ICE1: variants seen among roughly 807,000 people sequenced by gnomAD.
ICE1 encodes little elongation complex subunit 1.
Under a neutral mutation model 192.7 loss-of-function variants are expected in ICE1, and 64 were observed. The ratio of observed to expected loss-of-function variants is 0.33; its 90% CI spans 0.27 to 0.41. The LOEUF (loss-of-function observed/expected upper bound fraction) is 0.41, where lower values mean the gene tolerates loss of function less well. ICE1 is among the 10% of genes least tolerant of loss of function. The pLI is 1.00. For synonymous variants in ICE1, 1,010 were observed against 984.5 expected (o/e 1.03, Z -0.49); for missense variants, 2,708 against 2,696.0 (o/e 1.00, Z -0.10).
intron 17 of ICE1, among the ~76,000 whole-genome samples, chr5:5,485,474 A>G (rs1739617267): frequency 6.6e-6 from 1 of 152,208 alleles, no homozygotes; most frequent in Non-Finnish European, 1.5e-5. Context: ...ATACACAGTT[A>G]ATGGAGGGCA....
In ICE1 at chr5:5,461,189, A is replaced by T; in HGVS notation, c.1855A>T (p.Met619Leu). 1 of 1,614,008 alleles carries T rather than the reference A, an allele frequency of 6.2e-7. No homozygotes were observed. Among genetic ancestry groups the T allele is most frequent in the Non-Finnish European group, 8.5e-7 (1 of 1,179,884 alleles). Residue 619 changes from methionine to leucine, a missense_variant, in exon 13 of 19, where the codon ATG (methionine) becomes TTG (leucine). By Grantham distance (15) the Met-to-Leu change is conservative. Transcript: ENST00000296564. ...ESEDDDSGDG[M>L]DVAGLDIETS... is the part of the protein sequence containing the mutation. ...AGAAGATGATGACTCAGGTGATGGAATGGATGTAGCAGGGCTTGACATTGA... is the reference window on the plus strand; with the variant it reads ...AGAAGATGATGACTCAGGTGATGGATTGGATGTAGCAGGGCTTGACATTGA...
chr5:5,447,406 A>G lies in ICE1; in HGVS notation c.425-21A>G, dbSNP rs576434215. 4.3e-5 allele frequency: 65 copies of G among 1,496,462 alleles called. No individual in the cohort carries two copies. In the South Asian group the frequency reaches 5.0e-4, roughly 12 times the overall value. The allele number at this position is 1,496,462 out of a possible 1,614,324, so 92.7% of individuals were successfully genotyped here. A position where few individuals can be genotyped will look rare whatever the true frequency, so the allele number is the denominator to read the frequency against. On this transcript the variant is annotated intron_variant, in intron 7 of 18. Transcript: ENST00000296564. ...GTTAGTAAATTATTTTTCTCTCCCT[A>G]TTGCTTCATTGGACTTAAAGAGGCT...
intron 3 of ICE1, 63 bp downstream of exon 3, chr5:5,437,177 A>G (rs1737893290): frequency 3.1e-6 from 4 of 1,290,822 alleles, no homozygotes; most frequent in Non-Finnish European, 3.3e-6. Context: ...TTCCTGAAAG[A>G]GATGTGAGAA....
chr5:5,457,363 A>T lies in ICE1; in HGVS notation c.723A>T (p.Arg241Ser), dbSNP rs767979236. Residue 241 changes from arginine to serine, a missense_variant, in exon 12 of 19, where the codon AGA (arginine) becomes AGT (serine). Arg to Ser is a moderately radical substitution (Grantham distance 110). Coordinates refer to ENST00000296564, the MANE Select transcript of ICE1 (RefSeq NM_015325.3). ...CTGCCAAAGCAATCACCAGCTCCAGAGTGCCTGGGGAAGATGGTACGCTAC... is the reference window on the plus strand; with the variant it reads ...CTGCCAAAGCAATCACCAGCTCCAGTGTGCCTGGGGAAGATGGTACGCTAC... ...EKPAKAITSS[R>S]VPGEDGTLPP... The T allele has an allele frequency of 1.7e-5, 28 of 1,612,120 alleles. No individual in the cohort carries two copies. In the East Asian group the frequency reaches 6.0e-4, roughly 35 times the overall value.
Position 5,461,340 on chromosome 5 carries a change from A to G in ICE1, c.2006A>G (p.His669Arg). The G allele has an allele frequency of 6.2e-7, 1 of 1,613,928 alleles. No homozygotes were observed. The highest frequency in any genetic ancestry group is 8.5e-7 in the Non-Finnish European group (1 of 1,179,834). ...ITTKVFSTEP[H>R]HSEHKLQTKT... ...ACTAAAGTATTCTCTACTGAACCGCATCATTCAGAACATAAATTGCAAACT... is the reference window on the plus strand; with the variant it reads ...ACTAAAGTATTCTCTACTGAACCGCGTCATTCAGAACATAAATTGCAAACT... The change falls in exon 13 of 19, where the codon CAT becomes CGT. Residue 669 changes from histidine (H) to arginine (R), a missense_variant. His to Arg is a conservative substitution (Grantham distance 29). This residue lies in a region of ICE1 where 2,366 missense variants were observed against 2,276.6 expected (regional missense o/e 1.04). Transcript: ENST00000296564.
intron 15 of ICE1, among the ~76,000 whole-genome samples, chr5:5,470,771 A>C (rs1227898510): frequency 6.6e-6 from 1 of 152,222 alleles, no homozygotes; most frequent in African/African-American, 2.4e-5. Context: ...ACAGAAAAAA[A>C]ATTCAAAATA....
In ICE1 at chr5:5,457,575, G is replaced by C; in HGVS notation, c.935G>C (p.Arg312Pro). 1 of 1,613,942 alleles carries C rather than the reference G, an allele frequency of 6.2e-7. No individual in the cohort carries two copies. Among genetic ancestry groups the C allele is most frequent in the Non-Finnish European group, 8.5e-7 (1 of 1,179,850 alleles). ...GNLEVLVQSHRDGGSTEFVDH... is the reference protein window; with the variant it reads ...GNLEVLVQSHPDGGSTEFVDH... ...CTTGAGGTTTTAGTACAAAGTCATCGTGACGGTGGTAGTACTGAATTTGTT... is the reference window on the plus strand; with the variant it reads ...CTTGAGGTTTTAGTACAAAGTCATCCTGACGGTGGTAGTACTGAATTTGTT... Residue 312 changes from arginine to proline, a missense_variant, in exon 12 of 19, where the codon CGT becomes CCT. By Grantham distance (103) the Arg-to-Pro change is moderately radical (BLOSUM62 -2). Transcript: ENST00000296564.
rs759956724 is a variant in ICE1, at chr5:5,457,355, A to G, written c.715A>G (p.Ser239Gly). The G allele has an allele frequency of 1.2e-6, 2 of 1,606,596 alleles. No individual in the cohort carries two copies. The highest frequency in any genetic ancestry group is 2.2e-5 in the South Asian group (2 of 90,212). ...VPEKPAKAIT[S>G]SRVPGEDGTL... is the part of the protein sequence containing the mutation. ...AGAAAAACCTGCCAAAGCAATCACC[A>G]GCTCCAGAGTGCCTGGGGAAGATGG... Residue 239 changes from serine (S) to glycine (G), a missense_variant, in exon 12 of 19, where the codon AGC becomes GGC. By Grantham distance (56) the Ser-to-Gly change is moderately conservative (BLOSUM62 0). Around this residue, in one of 2 missense-constraint regions of ICE1, gnomAD observed 2,366 missense variants for 2,276.6 expected, o/e 1.04. Transcript: ENST00000296564.
Position 5,468,427 on chromosome 5 carries a change from A to C in ICE1, c.6062-401A>C, listed in dbSNP as rs576663128. 8.0e-5 allele frequency among the ~76,000 whole-genome samples: 11 copies of C among 137,542 alleles called. No homozygotes were observed. In the East Asian group the frequency reaches 2.8e-3, roughly 34 times the overall value. 90.2% of individuals were successfully genotyped at this position (137,542 alleles called of 152,430 possible). ...TTCAATTAATTTTTAAAAAAGAGACAAAGAGTGTAGGAGAAAGTATTTACA... is the reference window on the plus strand; with the variant it reads ...TTCAATTAATTTTTAAAAAAGAGACCAAGAGTGTAGGAGAAAGTATTTACA... On this transcript the variant is annotated intron_variant, in intron 14 of 18. Coordinates refer to ENST00000296564, the MANE Select transcript of ICE1 (RefSeq NM_015325.3).
intron 1 of ICE1, among the ~76,000 whole-genome samples, chr5:5,435,213 G>T (rs1032818969): frequency 6.6e-6 from 1 of 152,150 alleles, no homozygotes; most frequent in Non-Finnish European, 1.5e-5. Context: ...TTAAAAACAC[G>T]CTGAGTGATT....
rs1254563307 is a variant in ICE1 at position 5,457,728 on chromosome 5, C to A, written c.1088C>A (p.Ser363Tyr). 6.2e-7 allele frequency: 1 copy of A among 1,611,296 alleles called. No individual in the cohort carries two copies. Among genetic ancestry groups the A allele is most frequent in the African/African-American group, 1.3e-5 (1 of 74,868 alleles). Residue 363 changes from serine to tyrosine, a missense_variant, in exon 12 of 19, where the codon TCT becomes TAT. By Grantham distance (144) the Ser-to-Tyr change is moderately radical. This residue lies in a region of ICE1 where 2,366 missense variants were observed against 2,276.6 expected (regional missense o/e 1.04). Coordinates refer to ENST00000296564, the MANE Select transcript of ICE1 (RefSeq NM_015325.3). ...MSSPHPGSLP[S>Y]SFAPETYFGE... ...TCACCTCACCCGGGTTCCTTACCGT[C>A]TTCATTTGCACCTGTGAGTTTTGCT...
rs767816564 is a variant in ICE1, at chr5:5,462,265, G to A, written c.2931G>A (p.Val977=). 12 of 1,613,112 alleles carry A rather than the reference G, an allele frequency of 7.4e-6. No individual in the cohort carries two copies. The East Asian group carries it at 2.7e-4, about 36-fold the overall frequency. ...AAGACATTGTGAGAGAAGCTGCAGT[G>A]CAGGGAGATGGGCAGAAGCAAAGGC... ...QNQDIVREAA[V]QGDGQKQRQP... The change falls in exon 13 of 19, where the codon GTG becomes GTA. Residue 977 remains valine, a synonymous_variant. Coordinates refer to ENST00000296564, the MANE Select transcript of ICE1 (RefSeq NM_015325.3).
At chr5:5,447,982 T>G in intron 10 of ICE1, 85 bp downstream of exon 10, 1 of 1,044,774 alleles carries the variant, frequency 9.6e-7, no homozygotes, top group Non-Finnish European at 1.4e-6. Flanking sequence ...CATATAATTG[T>G]GAAAGTGCCA....
intron 16 of ICE1, among the ~76,000 whole-genome samples, chr5:5,474,319 T>A (rs1482292894): frequency 6.6e-6 from 1 of 152,154 alleles, no homozygotes; most frequent in Non-Finnish European, 1.5e-5. Flanking sequence ...TATTGTCATC[T>A]CTCTCCCCAG....
rs753110409 is a variant in ICE1, at chr5:5,460,555, G to T, written c.1221G>T (p.Leu407Phe). The T allele has an allele frequency of 1.2e-6, 2 of 1,612,144 alleles. No individual in the cohort carries two copies. Among genetic ancestry groups the T allele is most frequent in the Admixed American group, 1.7e-5 (1 of 59,732 alleles). ...TTESQNYFGSLRKNKGSGTWE... is the reference protein window; with the variant it reads ...TTESQNYFGSFRKNKGSGTWE... ...AATCACAGAATTATTTTGGCTCATT[G>T]AGAAAAAATAAAGGAAGTGGCACAT... The change falls in exon 13 of 19, where the codon TTG becomes TTT. Residue 407 changes from leucine to phenylalanine, a missense_variant. Physicochemically the swap from Leu to Phe is conservative, Grantham distance 22 (BLOSUM62 0). Around this residue, in one of 2 missense-constraint regions of ICE1, gnomAD observed 2,366 missense variants for 2,276.6 expected, o/e 1.04. Coordinates refer to ENST00000296564, the MANE Select transcript of ICE1 (RefSeq NM_015325.3).
chr5:5,433,912 A>C (rs575917824), intron 1 of ICE1, among the ~76,000 whole-genome samples: 8 of 152,092 alleles, frequency 5.3e-5, no homozygotes, highest in Non-Finnish European at 8.8e-5. Flanking sequence ...AAAATGGTAT[A>C]GGCATATCAC....
intron 16 of ICE1, among the ~76,000 whole-genome samples, chr5:5,474,595 C>G (rs1739260821): frequency 6.6e-6 from 1 of 152,214 alleles, no homozygotes; most frequent in Non-Finnish European, 1.5e-5. Context: ...CTCTGTGCAT[C>G]TATAATTCTG....
chr5:5,461,077 T>A lies in ICE1; in HGVS notation c.1743T>A (p.Val581=). 6.2e-7 allele frequency: 1 copy of A among 1,614,046 alleles called. No individual in the cohort carries two copies. Among genetic ancestry groups the A allele is most frequent in the Non-Finnish European group, 8.5e-7 (1 of 1,179,898 alleles). Residue 581 remains valine (V), a synonymous_variant, in exon 13 of 19, where the codon GTT becomes GTA. Coordinates refer to ENST00000296564, the MANE Select transcript of ICE1 (RefSeq NM_015325.3). ...EITSEPDRIT[V]SGHFHRLSRE... Reference sequence around the variant, plus strand: ...CTTCTGAACCAGACCGTATCACAGTTTCTGGCCATTTTCACAGACTATCTA... The same window carrying A: ...CTTCTGAACCAGACCGTATCACAGTATCTGGCCATTTTCACAGACTATCTA...
chr5:5,452,687 C>G (rs1738459050), intron 10 of ICE1, among the ~76,000 whole-genome samples: 1 of 151,982 alleles, frequency 6.6e-6, no homozygotes, highest in African/African-American at 2.4e-5. Flanking sequence ...AGTGTATGTT[C>G]AGAATAATAC....
Sources: allele counts gnomAD v4.1 joint callset (sites outside exome capture counted in the v4.1 genomes callset), GRCh38; gene constraint gnomAD v4.1.1; regional missense constraint gnomAD v4.1.1; transcripts MANE v1.5; gene names NCBI Gene and HGNC (gene_info 2026-07-23, HGNC 2026-07-21).